Variants in PAPPA observed in about 807,000 individuals in gnomAD.
PAPPA encodes pappalysin 1, also known as pappalysin-1.
Under a neutral mutation model 164.0 loss-of-function variants are expected in PAPPA, and 60 were observed. The observed-to-expected ratio is 0.37, with a 90% CI of 0.30 to 0.45. The LOEUF (loss-of-function observed/expected upper bound fraction) is 0.45. PAPPA is among the 20% of genes least tolerant of loss of function. PAPPA has a pLI of 1.00. For missense variants in PAPPA, 1,782 were observed against 2,087.3 expected, an observed-to-expected ratio of 0.85 and a Z score of 2.85; for synonymous variants, 875 against 814.1, an observed-to-expected ratio of 1.07 and a Z score of -1.27.
rs377335507 is a variant in PAPPA at position 116,187,453 on chromosome 9, A to G, written c.715A>G (p.Met239Val). The change falls in exon 2 of 22, where the codon ATG becomes GTG. Residue 239 changes from methionine to valine, a missense_variant. Coordinates refer to ENST00000328252, the MANE Select transcript of PAPPA (RefSeq NM_002581.5). This position sits in a 1 kb window ranked among gnomAD's most constrained non-coding sequence, Gnocchi z 4.2. Reference sequence around the variant, plus strand: ...ACTGACCCAGAAGTGCAAAGTGCTCATGTTAGGGGGCAGTGCCCTGAATCA... The same window carrying G: ...ACTGACCCAGAAGTGCAAAGTGCTCGTGTTAGGGGGCAGTGCCCTGAATCA... ...SPLTQKCKVLMLGGSALNHNY... is the reference protein window; with the variant it reads ...SPLTQKCKVLVLGGSALNHNY... 3.1e-6 allele frequency: 5 copies of G among 1,614,198 alleles called. No individual in the cohort carries two copies. The highest frequency in any genetic ancestry group is 2.2e-5 in the East Asian group (1 of 44,878).
intron 8 of PAPPA, among the ~76,000 whole-genome samples, chr9:116,267,088 CAGTT>C (rs1445750937): frequency 6.6e-6 from 1 of 152,208 alleles, no homozygotes; most frequent in African/African-American, 2.4e-5. Flanking sequence ...ATTTGCTTCA[CAGTT>C]GGATGAAACC....
Position 116,332,413 on chromosome 9 carries a change from G to T in PAPPA, c.3342G>T (p.Lys1114Asn). 1 of 1,614,042 alleles carries T rather than the reference G, an allele frequency of 6.2e-7. No homozygotes were observed. The highest frequency in any genetic ancestry group is 8.5e-7 in the Non-Finnish European group (1 of 1,179,906). Residue 1114 changes from lysine to asparagine, a missense_variant, in exon 12 of 22, where the codon AAG becomes AAT. Lys to Asn is a moderately conservative substitution (Grantham distance 94). This residue lies in a region of PAPPA where 1,324 missense variants were observed against 1,656.9 expected (regional missense o/e 0.80). Transcript: ENST00000328252. The part of the protein sequence containing the change: ...VTDGTYYGDQ[K>N]QETISVQLLD... Reference sequence around the variant, plus strand: ...ATGGGACATATTATGGGGACCAAAAGCAGGAGACCATCAGCGTGCAGCTGC... The same window carrying T: ...ATGGGACATATTATGGGGACCAAAATCAGGAGACCATCAGCGTGCAGCTGC...
intron 1 of PAPPA, among the ~76,000 whole-genome samples, chr9:116,169,406 A>G (rs568737236): frequency 2.0e-4 from 26 of 127,844 alleles, no homozygotes; most frequent in Non-Finnish European, 3.7e-4. Context: ...TGCAACCTCC[A>G]CCTCCCGAGG....
At chr9:116,225,145 A>T (rs1844490456) in intron 5 of PAPPA, among the ~76,000 whole-genome samples, 1 of 152,230 alleles carries the variant, frequency 6.6e-6, no homozygotes, top group South Asian at 2.1e-4. Flanking sequence ...ATGAATGACC[A>T]TCAAGGTCAG....
chr9:116,339,213 G>A (rs1846102411), intron 13 of PAPPA, among the ~76,000 whole-genome samples: 1 of 152,080 alleles, frequency 6.6e-6, no homozygotes, highest in South Asian at 2.1e-4. Flanking sequence ...AATATCAGGA[G>A]AGTTCATATT....
chr9:116,365,485 G>T (rs577790999), intron 18 of PAPPA, among the ~76,000 whole-genome samples: 1 of 151,126 alleles, frequency 6.6e-6, no homozygotes. Flanking sequence ...GGAGGGAGAC[G>T]CGGAGAAAGA....
rs1307283861 is a variant in PAPPA, at chr9:116,331,256, A to G, written c.3160A>G (p.Lys1054Glu). The change falls in exon 11 of 22, where the codon AAG becomes GAG. Residue 1054 changes from lysine to glutamate, a missense_variant. Physicochemically the swap from Lys to Glu is moderately conservative, Grantham distance 56. This residue lies in a region of PAPPA where 1,324 missense variants were observed against 1,656.9 expected (regional missense o/e 0.80). Transcript: ENST00000328252. ...TATATTTTTCCAGGTGTGTCGAACCAAGGTGATAGATCTCAGTGAAGGCAT... is the reference window on the plus strand; with the variant it reads ...TATATTTTTCCAGGTGTGTCGAACCGAGGTGATAGATCTCAGTGAAGGCAT... ...QPAASQVCRT[K>E]VIDLSEGISQ... 6.2e-7 allele frequency: 1 copy of G among 1,603,740 alleles called. No individual in the cohort carries two copies. The highest frequency in any genetic ancestry group is 1.3e-5 in the African/African-American group (1 of 74,732).
intron 10 of PAPPA, among the ~76,000 whole-genome samples, chr9:116,304,357 G>A (rs1455817061): frequency 6.6e-6 from 1 of 152,160 alleles, no homozygotes; most frequent in African/African-American, 2.4e-5. Flanking sequence ...GCAAATGAAC[G>A]ACACTGACAG....
At chr9:116,269,669 G>T (rs926623720) in intron 8 of PAPPA, among the ~76,000 whole-genome samples, 8 of 152,182 alleles carry the variant, frequency 5.3e-5, no homozygotes, top group Non-Finnish European at 7.3e-5. Context: ...GTAGTGACCC[G>T]AATATTTTGT....
At chr9:116,374,908 A>G (rs1396839449) in intron 19 of PAPPA, among the ~76,000 whole-genome samples, 1 of 152,240 alleles carries the variant, frequency 6.6e-6, no homozygotes, top group African/African-American at 2.4e-5. Context: ...TAATTGAAAG[A>G]AAGGAATACT....
At chr9:116,279,120 C>T (rs919144526) in intron 9 of PAPPA, among the ~76,000 whole-genome samples, 1 of 152,264 alleles carries the variant, frequency 6.6e-6, no homozygotes, top group African/African-American at 2.4e-5. Flanking sequence ...TTGATGAGCT[C>T]CCAGGGAGCT....
intron 1 of PAPPA, among the ~76,000 whole-genome samples, chr9:116,164,625 A>G (rs1012097347): frequency 3.3e-5 from 5 of 152,196 alleles, no homozygotes; most frequent in African/African-American, 1.2e-4. Context: ...ACCTGTACCT[A>G]TTATCCTTGT....
In PAPPA at chr9:116,156,363, T is replaced by TATAA. The variant is rs1447990620; in HGVS notation, c.415+1777_415+1778insTAAA. 1.2e-3 allele frequency among the ~76,000 whole-genome samples: 170 copies of TATAA among 147,442 alleles called. 3 individuals carry two copies. The highest frequency in any genetic ancestry group is 2.0e-3 in the Non-Finnish European group (132 of 67,074). On this transcript the variant is annotated intron_variant, in intron 1 of 21. Coordinates refer to ENST00000328252, the MANE Select transcript of PAPPA (RefSeq NM_002581.5). ...ATATATATATGTATATATATATATA[T>TATAA]AACACCTGGGATTCCACAGGAGACT...
intron 9 of PAPPA, among the ~76,000 whole-genome samples, chr9:116,289,729 T>G (rs948546307): frequency 6.6e-6 from 1 of 152,182 alleles, no homozygotes; most frequent in Non-Finnish European, 1.5e-5. Flanking sequence ...TTATCTTCTA[T>G]GTACTAGTAT....
At position 116,154,442 on chromosome 9, in the gene PAPPA, G is replaced by A. The variant is rs946935051; in HGVS notation, c.270G>A (p.Pro90=). Residue 90 remains proline (P), a synonymous_variant, in exon 1 of 22, where the codon CCG becomes CCA. Transcript: ENST00000328252. This position sits in a 1 kb window ranked among gnomAD's most constrained non-coding sequence, Gnocchi z 5.2. ...QREARGATEE[P]SPPSRALYFS... is the part of the protein sequence containing the mutation. ...AGGCGAGGGGCGCCACCGAGGAGCCGAGCCCGCCGAGCCGGGCGCTCTATT... is the reference window on the plus strand; with the variant it reads ...AGGCGAGGGGCGCCACCGAGGAGCCAAGCCCGCCGAGCCGGGCGCTCTATT... The A allele has an allele frequency of 1.6e-6, 2 of 1,276,578 alleles. No individual in the cohort carries two copies. The highest frequency in any genetic ancestry group is 5.1e-5 in the South Asian group (2 of 39,014). 79.1% of individuals were successfully genotyped at this position (1,276,578 alleles called of 1,614,324 possible).
At chr9:116,291,829 T>C (rs769560162) in intron 9 of PAPPA, among the ~76,000 whole-genome samples, 15 of 151,390 alleles carry the variant, frequency 9.9e-5, no homozygotes, top group Admixed American at 2.0e-4. Flanking sequence ...TTTTTTATTT[T>C]ATTTATTTTA....
At chr9:116,299,543 C>T (rs1301550612) in intron 9 of PAPPA, among the ~76,000 whole-genome samples, 4 of 152,150 alleles carry the variant, frequency 2.6e-5, no homozygotes, top group African/African-American at 9.7e-5. Context: ...CTAGATCTTA[C>T]CCTTACAGAG....
chr9:116,240,660 C>A (rs376135029), intron 7 of PAPPA, among the ~76,000 whole-genome samples: 4 of 152,272 alleles, frequency 2.6e-5, no homozygotes, highest in East Asian at 3.9e-4. Context: ...ATCCCAACAA[C>A]CCCACAATGT....
intron 7 of PAPPA, among the ~76,000 whole-genome samples, chr9:116,248,810 G>T (rs1478676841): frequency 6.6e-6 from 1 of 152,166 alleles, no homozygotes; most frequent in Non-Finnish European, 1.5e-5. Context: ...TGAATAAATG[G>T]ATCAGTAAAC....
Sources: allele counts gnomAD v4.1 joint callset (sites outside exome capture counted in the v4.1 genomes callset), GRCh38; gene constraint gnomAD v4.1.1; regional missense constraint gnomAD v4.1.1; non-coding constraint Gnocchi (gnomAD v3.1); transcripts MANE v1.5; gene names NCBI Gene and HGNC (gene_info 2026-07-23, HGNC 2026-07-21).